Variants in ZC3H4 observed in about 807,000 individuals in gnomAD.
ZC3H4 encodes the protein zinc finger CCCH domain-containing protein 4.
ZC3H4 carries 13 observed loss-of-function variants against 108.3 expected under a neutral mutation model. The ratio of observed to expected loss-of-function variants is 0.12; its 90% CI spans 0.08 to 0.19. ZC3H4 has a LOEUF of 0.19. ZC3H4 is among the 10% of genes least tolerant of loss of function. The pLI is 1.00. For synonymous variants in ZC3H4, 917 were observed against 749.6 expected (o/e 1.22, Z -3.65); for missense variants, 1,734 against 1,838.8 (o/e 0.94, Z 1.04).
chr19:47,105,236 C>G (rs1194377310), intron 2 of ZC3H4, among the ~76,000 whole-genome samples: 1 of 152,210 alleles, frequency 6.6e-6, no homozygotes, highest in African/African-American at 2.4e-5. Flanking sequence ...ACTTTCTACT[C>G]AACTCTGCTG....
rs377618236 is a variant in ZC3H4, at chr19:47,090,154, G to A, written c.528C>T (p.Pro176=). The A allele has an allele frequency of 1.2e-4, 197 of 1,614,216 alleles. No individual in the cohort carries two copies. Among genetic ancestry groups the A allele is most frequent in the Non-Finnish European group, 1.5e-4 (178 of 1,180,030 alleles). ...TCTTGGAGTATGCCTTCTTGGGCAG[G>A]GGCGTGGCATGCGATGGGGGGTACT... ...HQQYPPSHAT[P]LPKKAYSKMD... The change falls in exon 5 of 15, where the codon CCC becomes CCT. Residue 176 remains proline, a synonymous_variant. Coordinates refer to ENST00000253048, the MANE Select transcript of ZC3H4 (RefSeq NM_015168.2).
intron 1 of ZC3H4, 74 bp from the exon 2 acceptor site, chr19:47,112,663 G>A (rs920334377): frequency 1.7e-5 from 17 of 1,029,298 alleles, no homozygotes; most frequent in Non-Finnish European, 2.1e-5. Flanking sequence ...ACTTAAGCTC[G>A]GAGGGCTCCT....
chr19:47,076,607 G>A (rs2057425905), intron 11 of ZC3H4, among the ~76,000 whole-genome samples: 1 of 152,204 alleles, frequency 6.6e-6, no homozygotes, highest in Admixed American at 6.5e-5. Context: ...TGTAATCCCA[G>A]CACTTTGGGA....
At chr19:47,084,065 T>A (rs531197339) in intron 9 of ZC3H4, among the ~76,000 whole-genome samples, 10 of 152,292 alleles carry the variant, frequency 6.6e-5, no homozygotes, top group Middle Eastern at 3.4e-3. Context: ...TCAACCTCCA[T>A]AATTACGTTT....
In ZC3H4 at chr19:47,064,923, G is replaced by A. The variant is rs1363067698; in HGVS notation, c.*1433C>T. ...AGGAGGAGGGAAGGGGAATCCCTTG[G>A]CAGGTAACTAGGTCTCTTCATGGTC... On this transcript the variant is annotated 3_prime_UTR_variant, in exon 15 of 15. Transcript: ENST00000253048. The A allele has an allele frequency of 1.3e-5, 2 of 152,146 alleles. No homozygotes were observed. The highest frequency in any genetic ancestry group is 2.4e-5 in the African/African-American group (1 of 41,422). 9.4% of individuals were successfully genotyped at this position (152,146 alleles called of 1,614,324 possible).
chr19:47,098,767 AAAAAC>A (rs972966534), intron 2 of ZC3H4, among the ~76,000 whole-genome samples: 1 of 152,206 alleles, frequency 6.6e-6, no homozygotes, highest in Non-Finnish European at 1.5e-5. Context: ...CTCGGTTTCA[AAAAAC>A]AAAACAAAAC....
chr19:47,071,296 T>C (rs947929652), intron 13 of ZC3H4, among the ~76,000 whole-genome samples: 1 of 152,034 alleles, frequency 6.6e-6, no homozygotes, highest in Non-Finnish European at 1.5e-5. Context: ...AGCAGCGTCA[T>C]CTAAACCCCT....
chr19:47,087,225 G>A (rs1232116265), intron 5 of ZC3H4, among the ~76,000 whole-genome samples: 1 of 151,336 alleles, frequency 6.6e-6, no homozygotes. Context: ...GCAGTAAGCT[G>A]AGAATGCGCC....
At chr19:47,084,915 T>G in intron 8 of ZC3H4, 141 bp downstream of exon 8, 1 of 1,128,928 alleles carries the variant, frequency 8.9e-7, no homozygotes, top group Non-Finnish European at 1.3e-6. Context: ...TTGTCGCTGG[T>G]TATGCTGGTC....
intron 2 of ZC3H4, among the ~76,000 whole-genome samples, chr19:47,095,752 G>A (rs1328532870): frequency 2.6e-5 from 4 of 152,024 alleles, no homozygotes; most frequent in Non-Finnish European, 4.4e-5. Flanking sequence ...AGTTGGTAAA[G>A]GAAAAAAACA....
intron 11 of ZC3H4, among the ~76,000 whole-genome samples, chr19:47,077,784 G>C (rs533512185): frequency 6.6e-6 from 1 of 151,792 alleles, no homozygotes; most frequent in African/African-American, 2.4e-5. Context: ...TTGAACCTGG[G>C]AGGCGGAGGT....
At chr19:47,108,440 A>G (rs1337212244) in intron 2 of ZC3H4, among the ~76,000 whole-genome samples, 2 of 152,202 alleles carry the variant, frequency 1.3e-5, no homozygotes, top group Non-Finnish European at 2.9e-5. Context: ...AGCCATAAAA[A>G]TGTAACAAAA....
intron 8 of ZC3H4, 23 bp from the exon 9 acceptor site, chr19:47,084,478 G>A (rs1464472806): frequency 8.1e-6 from 13 of 1,611,536 alleles, no homozygotes; most frequent in African/African-American, 5.3e-5. Context: ...GGGTGTGGAC[G>A]TAAAGGGGAA....
intron 2 of ZC3H4, among the ~76,000 whole-genome samples, chr19:47,095,290 C>T (rs1448978317): frequency 6.6e-6 from 1 of 152,214 alleles, no homozygotes; most frequent in Non-Finnish European, 1.5e-5. Context: ...CCTCCAAGTA[C>T]TTTATTACAA....
At chr19:47,094,185 G>A (rs544423215) in intron 3 of ZC3H4, 105 bp from the exon 4 acceptor site, 17 of 1,230,518 alleles carry the variant, frequency 1.4e-5, no homozygotes, top group Middle Eastern at 2.2e-4. Context: ...AGGGCTCTGC[G>A]CTTCACCTGA....
chr19:47,067,095 G>A lies in ZC3H4; in HGVS notation c.3173C>T (p.Ser1058Phe), dbSNP rs764124666. 1.2e-5 allele frequency: 19 copies of A among 1,611,204 alleles called. No individual in the cohort carries two copies. Among genetic ancestry groups the A allele is most frequent in the Middle Eastern group, 3.3e-4 (2 of 6,080 alleles). ...GTCGCTGGAACCGGGGGCGGCCGAG[G>A]AGCCGGTGGCATTGACTGTCTTGAG... ...RILKTVNATG[S>F]SAAPGSSDKP... Residue 1058 changes from serine (S) to phenylalanine (F), a missense_variant, in exon 15 of 15, where the codon TCC (serine) becomes TTC (phenylalanine). Transcript: ENST00000253048. The surrounding 1 kb of genome is among the most constrained non-coding windows in gnomAD (Gnocchi z 6.4).
In ZC3H4 at chr19:47,086,478, C is replaced by T. The variant is rs374656691; in HGVS notation, c.776G>A (p.Arg259His). Residue 259 changes from arginine to histidine, a missense_variant, in exon 6 of 15, where the codon CGC becomes CAC. Coordinates refer to ENST00000253048, the MANE Select transcript of ZC3H4 (RefSeq NM_015168.2). ...GCCTCGGCTGCCCCTGCCCATGCCG[C>T]GGCCTCGCGATCCTCCACGGCTTCC... ...GRGSRGGSRG[R>H]GMGRGSRGRG... The T allele has an allele frequency of 1.1e-5, 18 of 1,609,736 alleles. No homozygotes were observed. The highest frequency in any genetic ancestry group is 2.7e-5 in the African/African-American group (2 of 74,806).
intron 5 of ZC3H4, among the ~76,000 whole-genome samples, chr19:47,089,384 T>C (rs2122940231): frequency 6.6e-6 from 1 of 151,940 alleles, no homozygotes; most frequent in Admixed American, 6.6e-5. Flanking sequence ...CTGTTGTTGG[T>C]CAGGCTGGTC....
intron 7 of ZC3H4, 31 bp from the exon 8 acceptor site, chr19:47,085,226 T>G: frequency 6.3e-7 from 1 of 1,587,760 alleles, no homozygotes; most frequent in Non-Finnish European, 8.6e-7. Flanking sequence ...GAAGACCTGC[T>G]GACCACCCCC....
Sources: gnomAD v4.1 joint callset for allele counts (sites outside exome capture counted in the v4.1 genomes callset) on GRCh38, gnomAD v4.1.1 for gene constraint, Gnocchi (gnomAD v3.1) non-coding constraint, MANE v1.5 for transcripts, NCBI Gene and HGNC (gene_info 2026-07-23, HGNC 2026-07-21) for gene names.